Variants in DGKD observed in about 807,000 individuals in gnomAD.
The protein encoded by DGKD is DAG kinase delta.
A neutral mutation model predicts 154.4 loss-of-function variants in DGKD; 68 were observed. The observed-to-expected ratio is 0.44, with a 90% confidence interval of 0.36 to 0.54. The LOEUF (loss-of-function observed/expected upper bound fraction) is 0.54. DGKD is among the 20% of genes least tolerant of loss of function. The pLI, the probability that DGKD is intolerant of heterozygous loss-of-function variation, is 0.00. For synonymous variants in DGKD, 693 were observed against 638.0 expected, an observed-to-expected ratio of 1.09 and a Z score of -1.30; for missense variants, 1,343 against 1,593.6, an observed-to-expected ratio of 0.84 and a Z score of 2.68.
chr2:233,467,306 T>C, intron 28 of DGKD, 103 bp downstream of exon 28: 1 of 822,176 alleles, frequency 1.2e-6, no homozygotes, highest in Non-Finnish European at 2.1e-6. Flanking sequence ...AGCTCCTCCC[T>C]CTTGGTCCCT....
intron 1 of DGKD, chr2:233,379,970 TAAC>T (rs1022810046): frequency 6.6e-5 from 10 of 152,352 alleles, no homozygotes; most frequent in African/African-American, 2.4e-4. Context: ...CCTGCATTTT[TAAC>T]AAACGTTCCA....
chr2:233,421,059 T>A (rs961980348), intron 3 of DGKD, among the ~76,000 whole-genome samples: 1 of 152,114 alleles, frequency 6.6e-6, no homozygotes, highest in South Asian at 2.1e-4. Flanking sequence ...ATTTCTATAG[T>A]GTCTTTAAGT....
In DGKD at chr2:233,393,683, G is replaced by GT. The variant is rs528368593; in HGVS notation, c.348+3219dup. ...TCAGTGTCTGTATTTATGTGTATTGGTTTTTTTTTTTTTTTTTTTAGATGG... is the reference window on the plus strand; with the variant it reads ...TCAGTGTCTGTATTTATGTGTATTGGTTTTTTTTTTTTTTTTTTTTAGATGG... On this transcript the variant is annotated intron_variant, in intron 3 of 29. Transcript: ENST00000264057. Among the ~76,000 whole-genome samples the GT allele has an allele frequency of 7.2e-3, 928 of 128,374 alleles. 11 individuals are homozygous for GT. Among genetic ancestry groups the GT allele is most frequent in the African/African-American group, 0.018 (602 of 33,954 alleles). 84.2% of individuals were successfully genotyped at this position (128,374 alleles called of 152,430 possible). A position where few individuals can be genotyped will look rare whatever the true frequency, so the allele number is the denominator to read the frequency against.
rs1265761351 is a variant in DGKD, at chr2:233,448,299, A to G, written c.1538A>G (p.Asp513Gly). 2 of 1,613,846 alleles carry G rather than the reference A, an allele frequency of 1.2e-6. No homozygotes were observed. The highest frequency in any genetic ancestry group is 1.7e-6 in the Non-Finnish European group (2 of 1,179,990). ...AGAGTGCTCTGTGAGACGGTGAAGG[A>G]CTTCGTGGCACGGGTGGGGAAGGCC... The part of the protein sequence containing the change: ...SAKVLCETVK[D>G]FVARVGKAYE... Residue 513 changes from aspartate (D) to glycine (G), a missense_variant, in exon 14 of 30, where the codon GAC (aspartate) becomes GGC (glycine). Asp to Gly is a moderately conservative substitution (Grantham distance 94). Transcript: ENST00000264057.
At position 233,460,271 on chromosome 2, in the gene DGKD, C is replaced by T; in HGVS notation, c.2907C>T (p.His969=). ...CCCGCCCTCCATCCTGTTCCCTGCACCCGGAGATGCTGTCCGAGGAGGAGG... is the reference window on the plus strand; with the variant it reads ...CCCGCCCTCCATCCTGTTCCCTGCATCCGGAGATGCTGTCCGAGGAGGAGG... ...ELPRPPSCSL[H]PEMLSEEEAT... Residue 969 remains histidine, a synonymous_variant, in exon 24 of 30, where the codon CAC becomes CAT. Transcript: ENST00000264057. The T allele has an allele frequency of 6.2e-7, 1 of 1,614,000 alleles. No homozygotes were observed.
intron 3 of DGKD, among the ~76,000 whole-genome samples, chr2:233,413,830 C>G (rs1032169491): frequency 2.6e-5 from 4 of 152,210 alleles, no homozygotes; most frequent in South Asian, 2.1e-4. Context: ...CCCTCTGAGT[C>G]AGGGCTTGCC....
intron 1 of DGKD, among the ~76,000 whole-genome samples, chr2:233,370,648 G>A (rs993561760): frequency 2.0e-5 from 3 of 147,204 alleles, no homozygotes; most frequent in Non-Finnish European, 3.0e-5. Flanking sequence ...CTCATTCATC[G>A]GTTGACAGAT....
chr2:233,468,174 G>A (rs996952089), intron 28 of DGKD, among the ~76,000 whole-genome samples: 17 of 150,858 alleles, frequency 1.1e-4, no homozygotes, highest in African/African-American at 3.9e-4. Context: ...GCTGGGTGAT[G>A]GATACCGGCT....
At chr2:233,394,690 C>CTTTTTTTTTT (rs1703879704) in intron 3 of DGKD, among the ~76,000 whole-genome samples, 1 of 83,256 alleles carries the variant, frequency 1.2e-5, no homozygotes, top group Non-Finnish European at 2.3e-5. Context: ...AATTTAATTC[C>CTTTTTTTTTT]CTTTTTTTTT....
At chr2:233,362,793 GA>G (rs1701844346) in intron 1 of DGKD, among the ~76,000 whole-genome samples, 1 of 152,218 alleles carries the variant, frequency 6.6e-6, no homozygotes, top group Non-Finnish European at 1.5e-5. Context: ...TCTGCATAAT[GA>G]TGTTTCCGGA....
chr2:233,413,678 C>G (rs1277787647), intron 3 of DGKD, among the ~76,000 whole-genome samples: 1 of 152,126 alleles, frequency 6.6e-6, no homozygotes, highest in Non-Finnish European at 1.5e-5. Flanking sequence ...TGTCTCCCCC[C>G]GTCCACATGG....
intron 3 of DGKD, among the ~76,000 whole-genome samples, chr2:233,426,432 A>G (rs116561294): frequency 0.021 from 3,274 of 152,314 alleles, 76 homozygotes; most frequent in Non-Finnish European, 0.033. Context: ...ACCACGGAGA[A>G]CACTGCAGCC....
chr2:233,355,972 C>A (rs1701516070), intron 1 of DGKD, among the ~76,000 whole-genome samples: 1 of 152,158 alleles, frequency 6.6e-6, no homozygotes, highest in Non-Finnish European at 1.5e-5. Flanking sequence ...TGTGTTGGAA[C>A]CATGGTCAGG....
chr2:233,396,180 G>A (rs1023333570), intron 3 of DGKD, among the ~76,000 whole-genome samples: 2 of 152,110 alleles, frequency 1.3e-5, no homozygotes, highest in African/African-American at 2.4e-5. Context: ...ATTTCTGCTC[G>A]GAGACTCAGA....
At chr2:233,467,778 G>A (rs1304655025) in intron 28 of DGKD, among the ~76,000 whole-genome samples, 3 of 152,236 alleles carry the variant, frequency 2.0e-5, no homozygotes, top group Non-Finnish European at 4.4e-5. Context: ...AGGCCTCCAA[G>A]CCTGGATATT....
At chr2:233,424,788 G>C (rs2062236249) in intron 3 of DGKD, among the ~76,000 whole-genome samples, 1 of 152,226 alleles carries the variant, frequency 6.6e-6, no homozygotes, top group Non-Finnish European at 1.5e-5. Flanking sequence ...AGATAACCTG[G>C]AAAACACGCG....
chr2:233,415,341 C>G (rs927933018), intron 3 of DGKD, among the ~76,000 whole-genome samples: 4 of 152,196 alleles, frequency 2.6e-5, no homozygotes, highest in Non-Finnish European at 4.4e-5. Context: ...ATGCCTGCAG[C>G]AAGTGCCATC....
Position 233,440,933 on chromosome 2 carries a change from C to T in DGKD, c.1086-954C>T, listed in dbSNP as rs947460900. ...GAGAGGCTGCCAGGAGGGGCTGGGTCGGCTGCAGGCTGAGAGGAGGTGGGT... is the reference window on the plus strand; with the variant it reads ...GAGAGGCTGCCAGGAGGGGCTGGGTTGGCTGCAGGCTGAGAGGAGGTGGGT... On this transcript the variant is annotated intron_variant, in intron 9 of 29. Coordinates refer to ENST00000264057, the MANE Select transcript of DGKD (RefSeq NM_152879.3). This position sits in a 1 kb window ranked among gnomAD's most constrained non-coding sequence, Gnocchi z 4.9. 2.6e-5 allele frequency among the ~76,000 whole-genome samples: 4 copies of T among 151,990 alleles called. No homozygotes were observed. The highest frequency in any genetic ancestry group is 7.3e-5 in the African/African-American group (3 of 41,368).
At chr2:233,407,297 T>C (rs1409686416) in intron 3 of DGKD, among the ~76,000 whole-genome samples, 1 of 152,254 alleles carries the variant, frequency 6.6e-6, no homozygotes, top group Non-Finnish European at 1.5e-5. Flanking sequence ...ATAGCTTTTG[T>C]AGCAGAAGAG....
Sources: allele counts gnomAD v4.1 joint callset (sites outside exome capture counted in the v4.1 genomes callset), GRCh38; gene constraint gnomAD v4.1.1; non-coding constraint Gnocchi (gnomAD v3.1); transcripts MANE v1.5; gene names NCBI Gene and HGNC (gene_info 2026-07-23, HGNC 2026-07-21).